The following YAF2 variants were observed in gnomAD, a reference collection of about 807,000 sequenced individuals.
The protein encoded by YAF2 is YY1 associated factor 2.
In YAF2, 7 loss-of-function variants were observed where a neutral mutation model predicts 20.1. The observed-to-expected ratio is 0.35, with a 90% confidence interval of 0.20 to 0.65. YAF2 has a LOEUF of 0.65. Among genes scored for constraint, YAF2 ranks in the 30% least tolerant of loss-of-function variants. YAF2 has a pLI of 0.69. For synonymous variants in YAF2, 74 were observed against 76.0 expected (o/e 0.97, Z 0.14); for missense variants, 151 against 219.2 (o/e 0.69, Z 1.96).
At chr12:42,203,550 A>G (rs1229354238) in intron 2 of YAF2, among the ~76,000 whole-genome samples, 1 of 152,206 alleles carries the variant, frequency 6.6e-6, no homozygotes, top group Admixed American at 6.5e-5. Context: ...TGTAAGAAAA[A>G]AAAAGCTCAT....
intron 2 of YAF2, among the ~76,000 whole-genome samples, chr12:42,204,942 A>T (rs1345531719): frequency 1.3e-5 from 2 of 152,196 alleles, no homozygotes; most frequent in Non-Finnish European, 2.9e-5. Flanking sequence ...AATGTTCTAA[A>T]AATGACTATA....
At chr12:42,194,986 G>T (rs1485624769) in intron 2 of YAF2, among the ~76,000 whole-genome samples, 1 of 152,112 alleles carries the variant, frequency 6.6e-6, no homozygotes, top group East Asian at 1.9e-4. Flanking sequence ...GGTACATCAA[G>T]ATCTTCTAAA....
At chr12:42,223,240 C>G (rs1000629466) in intron 2 of YAF2, among the ~76,000 whole-genome samples, 11 of 151,912 alleles carry the variant, frequency 7.2e-5, no homozygotes, top group Admixed American at 5.9e-4. Context: ...ACATATAGCG[C>G]CAGCATACTA....
At chr12:42,237,797 G>GCCGCCC (rs2068225289) in intron 1 of YAF2, 73 bp from the exon 2 acceptor site, 3 of 1,127,838 alleles carry the variant, frequency 2.7e-6, no homozygotes, top group East Asian at 5.9e-5. Context: ...GGGCCCCGCG[G>GCCGCCC]CCGCCCCCGC....
At chr12:42,216,624 T>A (rs2067366330) in intron 2 of YAF2, among the ~76,000 whole-genome samples, 1 of 152,186 alleles carries the variant, frequency 6.6e-6, no homozygotes, top group South Asian at 2.1e-4. Flanking sequence ...CCCTGATCTG[T>A]CTTACCCACT....
chr12:42,201,055 A>C (rs559718684), intron 2 of YAF2, among the ~76,000 whole-genome samples: 20 of 152,370 alleles, frequency 1.3e-4, no homozygotes, highest in Admixed American at 1.1e-3. Flanking sequence ...CTTAAGTTGA[A>C]ATAAATACTA....
chr12:42,190,081 G>A (rs990069572), intron 2 of YAF2, among the ~76,000 whole-genome samples: 7 of 152,274 alleles, frequency 4.6e-5, no homozygotes, highest in East Asian at 1.9e-4. Flanking sequence ...GGTGGCTTAC[G>A]TCTGTAATCC....
chr12:42,181,403 C>T (rs2066338768), intron 2 of YAF2, among the ~76,000 whole-genome samples: 1 of 152,154 alleles, frequency 6.6e-6, no homozygotes, highest in African/African-American at 2.4e-5. Context: ...ATTATTGCCC[C>T]TTTCATCCTG....
At chr12:42,234,067 A>C in intron 2 of YAF2, 1 of 633,334 alleles carries the variant, frequency 1.6e-6, no homozygotes, top group Non-Finnish European at 2.0e-6. Context: ...GCTACCACAG[A>C]GGCTGAGGCA....
chr12:42,238,218 G>C lies in YAF2; in HGVS notation c.-38C>G, dbSNP rs761357783. 2.3e-5 allele frequency: 30 copies of C among 1,316,184 alleles called. No individual in the cohort carries two copies. The African/African-American group carries it at 3.2e-4, about 14-fold the overall frequency. 81.5% of individuals were successfully genotyped at this position (1,316,184 alleles called of 1,614,324 possible). On this transcript the variant is annotated 5_prime_UTR_variant, in exon 1 of 4. Transcript: ENST00000534854. ...ACCGCACGCCGAGAGTCGCCGCCGCGACCGCTCTGTTTGTCAATAAGGAGG... is the reference window on the plus strand; with the variant it reads ...ACCGCACGCCGAGAGTCGCCGCCGCCACCGCTCTGTTTGTCAATAAGGAGG...
intron 2 of YAF2, among the ~76,000 whole-genome samples, chr12:42,214,931 G>A (rs1037354564): frequency 6.6e-6 from 1 of 152,056 alleles, no homozygotes; most frequent in Non-Finnish European, 1.5e-5. Context: ...TTGAACCTGG[G>A]AGGCAGAGGT....
chr12:42,233,985 G>C (rs921045053), intron 2 of YAF2: 3 of 860,606 alleles, frequency 3.5e-6, no homozygotes, highest in Non-Finnish European at 2.8e-6. Context: ...AGCCTGGCCA[G>C]CATAGTGAAA....
At chr12:42,195,818 C>G (rs186316759) in intron 2 of YAF2, among the ~76,000 whole-genome samples, 1 of 152,046 alleles carries the variant, frequency 6.6e-6, no homozygotes, top group East Asian at 1.9e-4. Context: ...GCAGATCCTA[C>G]GGGAGCACAG....
chr12:42,186,762 C>A (rs901342983), intron 2 of YAF2, among the ~76,000 whole-genome samples: 19 of 152,260 alleles, frequency 1.2e-4, no homozygotes, highest in Admixed American at 1.2e-3. Flanking sequence ...ATTAAATTTG[C>A]CAATGCCTCA....
intron 2 of YAF2, among the ~76,000 whole-genome samples, chr12:42,201,851 G>T (rs897312779): frequency 2.6e-5 from 4 of 152,108 alleles, no homozygotes; most frequent in African/African-American, 9.7e-5. Flanking sequence ...GGCATTACAG[G>T]TATGAGTTAC....
chr12:42,166,155 C>T (rs541141541), intron 2 of YAF2, among the ~76,000 whole-genome samples: 14 of 151,430 alleles, frequency 9.2e-5, no homozygotes, highest in African/African-American at 3.1e-4. Context: ...TCAGGTGATC[C>T]GCCTGTCTTG....
At chr12:42,234,340 T>C in intron 2 of YAF2, 1 of 985,494 alleles carries the variant, frequency 1.0e-6, no homozygotes, top group Non-Finnish European at 1.2e-6. Flanking sequence ...CATTTACTAC[T>C]GTTTCTCTCA....
In YAF2 at chr12:42,168,108, C is replaced by CACA. The variant is rs535799950; in HGVS notation, c.153-6346_153-6344dup. Among the ~76,000 whole-genome samples the CACA allele has an allele frequency of 8.6e-5, 13 of 151,918 alleles. No homozygotes were observed. The South Asian group carries it at 2.1e-3, about 24-fold the overall frequency. On this transcript the variant is annotated intron_variant, in intron 2 of 3. Transcript: ENST00000534854. Reference sequence around the variant, plus strand: ...CTAGGATTCTGTTACACTTTTGTCTCACATAACTCCCACAACATTCCTGAC... The same window carrying CACA: ...CTAGGATTCTGTTACACTTTTGTCTCACAACATAACTCCCACAACATTCCTGAC...
chr12:42,169,680 TG>T (rs1270898198), intron 2 of YAF2, among the ~76,000 whole-genome samples: 4 of 152,142 alleles, frequency 2.6e-5, no homozygotes, highest in Non-Finnish European at 4.4e-5. Flanking sequence ...CCCAAAGTGC[TG>T]GGATTAGAGG....
Sources: gnomAD v4.1 joint callset for allele counts (sites outside exome capture counted in the v4.1 genomes callset) on GRCh38, gnomAD v4.1.1 for gene constraint, MANE v1.5 for transcripts, NCBI Gene and HGNC (gene_info 2026-07-23, HGNC 2026-07-21) for gene names.